PDE4A: variants seen among roughly 807,000 people sequenced by gnomAD.
PDE4A encodes the protein 3',5'-cyclic-AMP phosphodiesterase 4A.
In PDE4A, 21 loss-of-function variants were observed where a neutral mutation model predicts 73.9. That is an observed-to-expected ratio of 0.28 (90% CI 0.20 to 0.41). PDE4A has a LOEUF of 0.41. Among genes scored for constraint, PDE4A ranks in the 10% least tolerant of loss-of-function variants. PDE4A has a pLI of 1.00. For missense variants in PDE4A, 958 were observed against 1,211.4 expected (o/e 0.79, Z 3.10); for synonymous variants, 463 against 505.4 (o/e 0.92, Z 1.13).
At chr19:10,460,869 C>T (rs894146972) in intron 10 of PDE4A, 135 bp from the exon 11 acceptor site, 3 of 838,612 alleles carry the variant, frequency 3.6e-6, no homozygotes, top group Non-Finnish European at 5.2e-6. Context: ...AGGATGGCCT[C>T]GAACTTCTGG....
rs1357311592 is a variant in PDE4A at position 10,458,150 on chromosome 19, GGACCCTGA to G, written c.1101+51_1101+58del. The stretch of plus-strand genomic sequence containing the variant: ...CAGGGCTGGAGGGGGTGGTCTCCTG[GGACCCTGA>G]GAAGGACTGGGCATTGGGTTATGTC... On this transcript the variant is annotated intron_variant, in intron 8 of 14. Coordinates refer to ENST00000380702, the MANE Select transcript of PDE4A (RefSeq NM_001111307.2). The surrounding 1 kb of genome is among the most constrained non-coding windows in gnomAD (Gnocchi z 4.6). 6.4e-7 allele frequency: 1 copy of G among 1,572,092 alleles called. No individual in the cohort carries two copies. Among genetic ancestry groups the G allele is most frequent in the Non-Finnish European group, 8.7e-7 (1 of 1,144,354 alleles).
intron 2 of PDE4A, among the ~76,000 whole-genome samples, chr19:10,447,119 C>CTGGGGTT (rs2043017616): frequency 6.8e-6 from 1 of 148,096 alleles, no homozygotes; most frequent in Non-Finnish European, 1.5e-5. Context: ...CCAGGATGGT[C>CTGGGGTT]TCGATCTCCT....
At chr19:10,446,497 AC>A (rs2043007009) in intron 2 of PDE4A, 88 bp downstream of exon 2, 1 of 1,481,008 alleles carries the variant, frequency 6.8e-7, no homozygotes, top group African/African-American at 1.4e-5. Context: ...GGGGGCACCC[AC>A]CCCTATCCTC....
chr19:10,419,504 T>C (rs2042622693), upstream of PDE4A: 1 of 152,194 alleles, frequency 6.6e-6, no homozygotes, highest in African/African-American at 2.4e-5. Flanking sequence ...CCTGGGACCT[T>C]CCTCAGTTTA....
At chr19:10,460,857 C>A in intron 10 of PDE4A, 147 bp from the exon 11 acceptor site, 1 of 682,044 alleles carries the variant, frequency 1.5e-6, no homozygotes, top group Non-Finnish European at 2.3e-6. Context: ...GCTATGTTGC[C>A]CAGGATGGCC....
intron 6 of PDE4A, 27 bp downstream of exon 6, chr19:10,450,968 G>T: frequency 6.4e-7 from 1 of 1,563,086 alleles, no homozygotes. Context: ...CAGAACCCCT[G>T]GGCGGGGCAG....
chr19:10,466,905 A>G lies in PDE4A; in HGVS notation c.1945A>G (p.Ile649Val). The G allele has an allele frequency of 1.2e-6, 2 of 1,613,880 alleles. No homozygotes were observed. The highest frequency in any genetic ancestry group is 1.7e-6 in the Non-Finnish European group (2 of 1,179,980). Reference protein sequence around the residue: ...EKSQVGFIDYIVHPLWETWAD... With the variant: ...EKSQVGFIDYVVHPLWETWAD... Reference sequence around the variant, plus strand: ...CCACCAGGTGGGTTTTATTGACTACATTGTGCACCCATTGTGGGAGACCTG... The same window carrying G: ...CCACCAGGTGGGTTTTATTGACTACGTTGTGCACCCATTGTGGGAGACCTG... Residue 649 changes from isoleucine (I) to valine (V), a missense_variant, in exon 15 of 15, where the codon ATT becomes GTT. Physicochemically the swap from Ile to Val is conservative, Grantham distance 29 (BLOSUM62 3). This residue lies in a region of PDE4A where 570 missense variants were observed against 827.7 expected (regional missense o/e 0.69). Transcript: ENST00000380702.
At chr19:10,425,877 C>T (rs1409855554) in intron 1 of PDE4A, among the ~76,000 whole-genome samples, 1 of 148,606 alleles carries the variant, frequency 6.7e-6, no homozygotes, top group African/African-American at 2.5e-5. Flanking sequence ...ATCCCAGCTA[C>T]TGGTGAGGCT....
intron 1 of PDE4A, among the ~76,000 whole-genome samples, chr19:10,436,018 G>A (rs754120105): frequency 2.6e-5 from 4 of 152,340 alleles, no homozygotes; most frequent in Admixed American, 2.0e-4. Flanking sequence ...TCCTGCTGAC[G>A]TGAGCTGAGT....
At chr19:10,449,017 C>G in intron 3 of PDE4A, 63 bp from the exon 4 acceptor site, 2 of 1,611,098 alleles carry the variant, frequency 1.2e-6, no homozygotes, top group African/African-American at 1.3e-5. Flanking sequence ...CACTTGGGGA[C>G]AGGGCCCAGC....
At chr19:10,438,116 CTTTT>C (rs767841992) in intron 1 of PDE4A, among the ~76,000 whole-genome samples, 1 of 130,776 alleles carries the variant, frequency 7.6e-6, no homozygotes, top group African/African-American at 2.8e-5. Context: ...GCCTCCAAGA[CTTTT>C]TTTTTTTTTT....
chr19:10,439,768 G>A (rs1465824369), intron 1 of PDE4A, among the ~76,000 whole-genome samples: 1 of 152,084 alleles, frequency 6.6e-6, no homozygotes, highest in Non-Finnish European at 1.5e-5. Flanking sequence ...CTCTTGGAGT[G>A]AAGAGACCAG....
chr19:10,467,526 A>C lies in PDE4A; in HGVS notation c.2566A>C (p.Lys856Gln). Reference sequence around the variant, plus strand: ...GGCCCAACGAGAGCACCAGGCTGCCAAGAGGGCTTGCAGTGCCTGCGCAGG... The same window carrying C: ...GGCCCAACGAGAGCACCAGGCTGCCCAGAGGGCTTGCAGTGCCTGCGCAGG... The part of the protein sequence containing the change: ...VEAQREHQAA[K>Q]RACSACAGTF... Residue 856 changes from lysine (K) to glutamine (Q), a missense_variant, in exon 15 of 15, where the codon AAG (lysine) becomes CAG (glutamine). By Grantham distance (53) the Lys-to-Gln change is moderately conservative (BLOSUM62 1). Transcript: ENST00000380702. The C allele has an allele frequency of 1.9e-6, 3 of 1,612,650 alleles. No homozygotes were observed. Among genetic ancestry groups the C allele is most frequent in the Non-Finnish European group, 2.5e-6 (3 of 1,179,800 alleles).
In PDE4A at chr19:10,461,123, G is replaced by A. The variant is rs1453458803; in HGVS notation, c.1465+20G>A. The A allele has an allele frequency of 6.2e-7, 1 of 1,603,324 alleles. No homozygotes were observed. Among genetic ancestry groups the A allele is most frequent in the Non-Finnish European group, 8.5e-7 (1 of 1,171,630 alleles). On this transcript the variant is annotated intron_variant, in intron 11 of 14. Transcript: ENST00000380702. ...ACACCAGTGAGTGGCCCTCGCCAGG[G>A]GCGGGGTTTGCTGAGTTGGAGGCGG...
At position 10,459,225 on chromosome 19, in the gene PDE4A, C is replaced by T. The variant is rs567757370; in HGVS notation, c.1102-175C>T. The T allele has an allele frequency of 6.6e-5, 73 of 1,105,644 alleles. 1 individual carries two copies. In the East Asian group the frequency reaches 8.9e-4, roughly 13 times the overall value. 68.5% of individuals were successfully genotyped at this position (1,105,644 alleles called of 1,614,324 possible). On this transcript the variant is annotated intron_variant, in intron 8 of 14. Transcript: ENST00000380702. ...AAAAGACAGTGGCTGTGATTGCTTT[C>T]GCTATTTTGCAGCCCAGTAGGACGA...
At chr19:10,448,852 A>G (rs1599433288) in intron 2 of PDE4A, 65 bp from the exon 3 acceptor site, 2 of 1,607,872 alleles carry the variant, frequency 1.2e-6, no homozygotes, top group East Asian at 4.5e-5. Context: ...CCAGCCTCAC[A>G]GGGCATCTAC....
At chr19:10,464,592 A>C (rs1379600599) in intron 14 of PDE4A, among the ~76,000 whole-genome samples, 3 of 151,288 alleles carry the variant, frequency 2.0e-5, no homozygotes, top group Non-Finnish European at 4.4e-5. Context: ...AATTTTTTAA[A>C]ATTTTTTGTC....
chr19:10,462,636 C>CA lies in PDE4A; in HGVS notation c.1743+637_1743+638insA, dbSNP rs2043293141. Among the ~76,000 whole-genome samples the CA allele has an allele frequency of 2.6e-5, 4 of 151,992 alleles. No homozygotes were observed. The South Asian group carries it at 8.3e-4, about 32-fold the overall frequency. ...CACACCTGACCTCTTTCTGTCTGTC[C>CA]CCTTCTCCATCTTCACTTTCCAATC... On this transcript the variant is annotated intron_variant, in intron 13 of 14. Coordinates refer to ENST00000380702, the MANE Select transcript of PDE4A (RefSeq NM_001111307.2).
chr19:10,454,247 C>G (rs2043138007), intron 6 of PDE4A, among the ~76,000 whole-genome samples: 1 of 152,170 alleles, frequency 6.6e-6, no homozygotes, highest in South Asian at 2.1e-4. Flanking sequence ...TTCTCCCCTA[C>G]CCCGGCCAAA....
Sources: allele counts gnomAD v4.1 joint callset (sites outside exome capture counted in the v4.1 genomes callset), GRCh38; gene constraint gnomAD v4.1.1; regional missense constraint gnomAD v4.1.1; non-coding constraint Gnocchi (gnomAD v3.1); transcripts MANE v1.5; gene names NCBI Gene and HGNC (gene_info 2026-07-23, HGNC 2026-07-21).